AKNA: variants seen among roughly 807,000 people sequenced by gnomAD.
AKNA encodes microtubule organization protein AKNA.
Under a neutral mutation model 138.8 loss-of-function variants are expected in AKNA, and 67 were observed. The ratio of observed to expected loss-of-function variants is 0.48; its 90% CI spans 0.40 to 0.59. AKNA has a LOEUF of 0.59. AKNA is among the 20% of genes least tolerant of loss of function. The pLI, the probability that AKNA is intolerant of heterozygous loss-of-function variation, is 0.00. For missense variants in AKNA, 1,813 were observed against 1,880.4 expected, an observed-to-expected ratio of 0.96 and a Z score of 0.66; for synonymous variants, 737 against 754.4, an observed-to-expected ratio of 0.98 and a Z score of 0.38.
At chr9:114,341,396 C>T (rs1830331789) in intron 21 of AKNA, 137 bp downstream of exon 21, 5 of 1,083,044 alleles carry the variant, frequency 4.6e-6, no homozygotes, top group South Asian at 2.8e-5. Flanking sequence ...GTGTTGGGCT[C>T]CTACTGCATG....
At chr9:114,340,963 A>G (rs1342636677) in intron 21 of AKNA, among the ~76,000 whole-genome samples, 4 of 152,150 alleles carry the variant, frequency 2.6e-5, no homozygotes, top group Non-Finnish European at 5.9e-5. Context: ...TTGGAGGAAA[A>G]CGGCCTGAAG....
In AKNA at chr9:114,385,995, A is replaced by G. The variant is rs572100791; in HGVS notation, c.-114+1865T>C. Reference sequence around the variant, plus strand: ...CACCTGCTCTTGATATCGCAAGGGGATATCACCCTGCTAGGGTGGGTTGGG... The same window carrying G: ...CACCTGCTCTTGATATCGCAAGGGGGTATCACCCTGCTAGGGTGGGTTGGG... On this transcript the variant is annotated intron_variant, in intron 1 of 21. Coordinates refer to ENST00000374088, the MANE Select transcript of AKNA (RefSeq NM_001317950.2). Among the ~76,000 whole-genome samples the G allele has an allele frequency of 1.4e-4, 21 of 152,262 alleles. 1 individual carries two copies. Among genetic ancestry groups the G allele is most frequent in the Admixed American group, 1.1e-3 (17 of 15,298 alleles).
At chr9:114,355,818 A>G in intron 14 of AKNA, 107 bp downstream of exon 14, 1 of 1,186,354 alleles carries the variant, frequency 8.4e-7, no homozygotes, top group Non-Finnish European at 1.2e-6. Context: ...TTCAAATTTC[A>G]GTACAATGAA....
intron 4 of AKNA, among the ~76,000 whole-genome samples, chr9:114,372,589 G>A (rs1002666521): frequency 2.0e-5 from 3 of 151,884 alleles, no homozygotes; most frequent in African/African-American, 7.2e-5. Flanking sequence ...GACGCTCCAC[G>A]CCTCCAGCCC....
Position 114,357,923 on chromosome 9 carries a change from C to G in AKNA, c.2737G>C (p.Glu913Gln). 1.3e-6 allele frequency: 2 copies of G among 1,596,468 alleles called. No individual in the cohort carries two copies. The highest frequency in any genetic ancestry group is 1.4e-5 in the African/African-American group (1 of 73,524). Reference sequence around the variant, plus strand: ...CATTCCCCCATGTGGAGACTTACCTCCAGGTGGGGCCCACCGCCTCGGTGC... The same window carrying G: ...CATTCCCCCATGTGGAGACTTACCTGCAGGTGGGGCCCACCGCCTCGGTGC... ...PLHRGGGPHL[E>Q]ETWMASPETD... is the part of the protein sequence containing the mutation. Residue 913 changes from glutamate to glutamine, a missense_variant and splice_region_variant, in exon 12 of 22, where the codon GAG (glutamate) becomes CAG (glutamine). By Grantham distance (29) the Glu-to-Gln change is conservative. Coordinates refer to ENST00000374088, the MANE Select transcript of AKNA (RefSeq NM_001317950.2).
In AKNA at chr9:114,347,805, G is replaced by A; in HGVS notation, c.3317C>T (p.Pro1106Leu). The change falls in exon 16 of 22, where the codon CCA becomes CTA. Residue 1106 changes from proline (P) to leucine (L), a missense_variant. By Grantham distance (98) the Pro-to-Leu change is moderately conservative (BLOSUM62 -3). Transcript: ENST00000374088. ...GGCGGGGCGGTCAAAGGCAGATGCT[G>A]GGCGTGTCGGGCTGCCCTGGAGTGG... is the stretch of plus-strand genomic sequence containing the variant. ...HQPLQGSPTR[P>L]ASAFDRPART... is the part of the protein sequence containing the mutation. The A allele has an allele frequency of 6.4e-7, 1 of 1,551,262 alleles. No homozygotes were observed. The highest frequency in any genetic ancestry group is 8.7e-7 in the Non-Finnish European group (1 of 1,147,252).
chr9:114,331,550 C>G (rs370140383), downstream of AKNA: 6 of 1,599,812 alleles, frequency 3.8e-6, no homozygotes, highest in African/African-American at 8.1e-5. Flanking sequence ...CACCCAGAGG[C>G]TCTTTTTCTC....
chr9:114,331,330 G>A (rs1160718700), downstream of AKNA, among the ~76,000 whole-genome samples: 8 of 152,050 alleles, frequency 5.3e-5, no homozygotes, highest in African/African-American at 1.9e-4. Context: ...TCTGTAAAAC[G>A]GGGAGAAAGG....
chr9:114,359,454 T>A (rs1380262798), intron 11 of AKNA, 140 bp downstream of exon 11: 3 of 1,489,074 alleles, frequency 2.0e-6, no homozygotes, highest in Non-Finnish European at 2.7e-6. Flanking sequence ...CTATCAGTGG[T>A]ATACATTCCA....
intron 1 of AKNA, among the ~76,000 whole-genome samples, chr9:114,393,643 A>C (rs1834435354): frequency 6.6e-6 from 1 of 152,180 alleles, no homozygotes; most frequent in Non-Finnish European, 1.5e-5. Flanking sequence ...AGTTCCACTC[A>C]AAGGAATAAT....
chr9:114,378,176 C>T (rs1016902452), intron 2 of AKNA, among the ~76,000 whole-genome samples: 2 of 152,178 alleles, frequency 1.3e-5, no homozygotes, highest in Non-Finnish European at 2.9e-5. Flanking sequence ...CTGCTATGTG[C>T]ACACAACGCT....
chr9:114,367,059 A>C (rs1035018520), intron 6 of AKNA, among the ~76,000 whole-genome samples: 2 of 152,352 alleles, frequency 1.3e-5, no homozygotes, highest in Admixed American at 1.3e-4. Flanking sequence ...GCCAATGTAC[A>C]GTTATAAACA....
At chr9:114,363,620 CT>C (rs1357050278) in intron 7 of AKNA, among the ~76,000 whole-genome samples, 1 of 152,156 alleles carries the variant, frequency 6.6e-6, no homozygotes, top group African/African-American at 2.4e-5. Flanking sequence ...TTGAATTTGC[CT>C]CTCCAGACCT....
chr9:114,360,553 T>C (rs2636899), intron 9 of AKNA, among the ~76,000 whole-genome samples: 79,120 of 151,934 alleles, frequency 0.52, 20,603 homozygotes, highest in Middle Eastern at 0.61. Flanking sequence ...CCCATTCAAG[T>C]GTGTAGTGGC....
chr9:114,355,614 T>C (rs988009835), intron 14 of AKNA, among the ~76,000 whole-genome samples: 6 of 152,158 alleles, frequency 3.9e-5, no homozygotes, highest in Non-Finnish European at 7.3e-5. Context: ...GAAAATCTTA[T>C]GGGACCACCG....
In AKNA at chr9:114,374,170, G is replaced by A; in HGVS notation, c.1342-3C>T. ...GTGAGGAGCCTGTGGTAGTCTTCCT[G>A]CAGAAAGCGGGAGCAACACGGTCAC... On this transcript the variant is annotated splice_region_variant and splice_polypyrimidine_tract_variant and intron_variant, in intron 3 of 21. Transcript: ENST00000374088. 6.4e-7 allele frequency: 1 copy of A among 1,555,386 alleles called. No homozygotes were observed. The highest frequency in any genetic ancestry group is 8.7e-7 in the Non-Finnish European group (1 of 1,148,870).
At chr9:114,355,322 C>G (rs980646206) in intron 14 of AKNA, among the ~76,000 whole-genome samples, 3 of 152,006 alleles carry the variant, frequency 2.0e-5, no homozygotes, top group African/African-American at 7.2e-5. Context: ...ATTACAGGCA[C>G]CTGCCACCAT....
chr9:114,395,475 C>T (rs1834503932), upstream of AKNA, among the ~76,000 whole-genome samples: 1 of 152,106 alleles, frequency 6.6e-6, no homozygotes. Flanking sequence ...AAAGGCCAGA[C>T]ATTTTGGCCT....
At chr9:114,384,219 G>A (rs1270375676) in intron 1 of AKNA, among the ~76,000 whole-genome samples, 4 of 152,058 alleles carry the variant, frequency 2.6e-5, no homozygotes, top group African/African-American at 4.8e-5. Context: ...AACACATCAC[G>A]CTAATATATT....
Sources: gnomAD v4.1 joint callset for allele counts (sites outside exome capture counted in the v4.1 genomes callset) on GRCh38, gnomAD v4.1.1 for gene constraint, MANE v1.5 for transcripts, NCBI Gene and HGNC (gene_info 2026-07-23, HGNC 2026-07-21) for gene names.